SSR1: variants seen among roughly 807,000 people sequenced by gnomAD.
The protein encoded by SSR1 is signal sequence receptor subunit 1.
SSR1 carries 13 observed loss-of-function variants against 36.1 expected under a neutral mutation model. That is an observed-to-expected ratio of 0.36 (90% confidence interval 0.23 to 0.57). The LOEUF is 0.57. Among genes scored for constraint, SSR1 ranks in the 20% least tolerant of loss-of-function variants. The probability of loss-of-function intolerance (pLI) is 0.81; values close to 1 mark genes in which losing one functional copy is unlikely to be tolerated. For missense variants in SSR1, 291 were observed against 338.5 expected (o/e 0.86, Z 1.10); for synonymous variants, 113 against 118.9 (o/e 0.95, Z 0.32).
chr6:7,288,148 A>G lies in SSR1; in HGVS notation c.*1716T>C, dbSNP rs1034882324. 1.3e-5 allele frequency: 2 copies of G among 152,224 alleles called. No homozygotes were observed. The highest frequency in any genetic ancestry group is 2.9e-5 in the Non-Finnish European group (2 of 68,038). 9.4% of individuals were successfully genotyped at this position (152,224 alleles called of 1,614,324 possible). On this transcript the variant is annotated 3_prime_UTR_variant, in exon 8 of 8. Transcript: ENST00000244763. ...AAATTCTGTAATTACACCTTACTGTATCATGCCCTAGTAGTTTCACAAACT... is the reference window on the plus strand; with the variant it reads ...AAATTCTGTAATTACACCTTACTGTGTCATGCCCTAGTAGTTTCACAAACT...
At chr6:7,305,281 G>T (rs1405838805) in intron 2 of SSR1, among the ~76,000 whole-genome samples, 1 of 152,182 alleles carries the variant, frequency 6.6e-6, no homozygotes, top group Non-Finnish European at 1.5e-5. Flanking sequence ...TATAAAATGT[G>T]AAGTACTTAT....
intron 7 of SSR1, among the ~76,000 whole-genome samples, chr6:7,294,224 AAAC>A (rs1419474308): frequency 3.3e-5 from 5 of 152,024 alleles, no homozygotes; most frequent in African/African-American, 1.2e-4. Flanking sequence ...AGTTGTAAAA[AAAC>A]AGTTTAGTAA....
chr6:7,297,257 A>C, intron 6 of SSR1: 1 of 163,280 alleles, frequency 6.1e-6, no homozygotes. Flanking sequence ...GAAAATATAA[A>C]AGCTAGGTTA....
At chr6:7,308,332 A>T (rs1758115549) in intron 2 of SSR1, among the ~76,000 whole-genome samples, 1 of 152,172 alleles carries the variant, frequency 6.6e-6, no homozygotes, top group Admixed American at 6.5e-5. Context: ...GTTGGAAGAC[A>T]TATTCCATAA....
chr6:7,295,491 A>G lies in SSR1; in HGVS notation c.700-6T>C, dbSNP rs765886617. On this transcript the variant is annotated splice_region_variant and splice_polypyrimidine_tract_variant and intron_variant, in intron 6 of 7. Transcript: ENST00000244763. The stretch of plus-strand genomic sequence containing the variant: ...TTCTGTATGGGTCTCTTACGCTAAA[A>G]GAACATAAAGACATATTTTAAAGGA... 1.9e-6 allele frequency: 3 copies of G among 1,568,904 alleles called. No homozygotes were observed. In the South Asian group the frequency reaches 3.5e-5, roughly 18 times the overall value.
At chr6:7,290,943 G>A (rs1008520968) in intron 7 of SSR1, among the ~76,000 whole-genome samples, 2 of 143,188 alleles carry the variant, frequency 1.4e-5, no homozygotes, top group African/African-American at 5.1e-5. Flanking sequence ...GCCCAGGCTG[G>A]AGTGCAGTGC....
chr6:7,294,826 C>T (rs1044907738), intron 7 of SSR1, among the ~76,000 whole-genome samples: 3 of 151,964 alleles, frequency 2.0e-5, no homozygotes, highest in Non-Finnish European at 4.4e-5. Context: ...AAATGTCCTA[C>T]AATTGAAGAA....
chr6:7,294,970 T>C, intron 7 of SSR1: 4 of 892,648 alleles, frequency 4.5e-6, no homozygotes, highest in Non-Finnish European at 6.4e-6. Flanking sequence ...GTTTTTCTAA[T>C]AAAATGTAGT....
In SSR1 at chr6:7,285,900, T is replaced by C. The variant is rs1016578193; in HGVS notation, c.*3964A>G. 1 of 152,352 alleles carries C rather than the reference T, an allele frequency of 6.6e-6. No homozygotes were observed. The highest frequency in any genetic ancestry group is 1.9e-4 in the East Asian group (1 of 5,192). The allele number at this position is 152,352 out of a possible 1,614,324, so 9.4% of individuals were successfully genotyped here. Reference sequence around the variant, plus strand: ...TTCATCAAGGAGACATTTAAAGGTATGTCATTAACAGAAATTTAAAAGGGT... The same window carrying C: ...TTCATCAAGGAGACATTTAAAGGTACGTCATTAACAGAAATTTAAAAGGGT... On this transcript the variant is annotated 3_prime_UTR_variant, in exon 8 of 8. Coordinates refer to ENST00000244763, the MANE Select transcript of SSR1 (RefSeq NM_003144.5). The surrounding 1 kb of genome is among the most constrained non-coding windows in gnomAD (Gnocchi z 4.1).
At chr6:7,290,003 AT>A in intron 7 of SSR1, 72 bp from the exon 8 acceptor site, 1 of 1,311,918 alleles carries the variant, frequency 7.6e-7, no homozygotes. Flanking sequence ...GTTAAAAAGT[AT>A]TTACCTTCAA....
At chr6:7,312,651 G>A (rs890471727) in intron 1 of SSR1, among the ~76,000 whole-genome samples, 10 of 152,248 alleles carry the variant, frequency 6.6e-5, no homozygotes, top group Non-Finnish European at 1.5e-4. Context: ...CGGAGCCGGA[G>A]GTGGCCAAAA....
rs769402132 is a variant in SSR1, at chr6:7,301,481, G to A, written c.372C>T (p.Phe124=). 1 of 1,614,146 alleles carries A rather than the reference G, an allele frequency of 6.2e-7. No individual in the cohort carries two copies. Among genetic ancestry groups the A allele is most frequent in the Admixed American group, 1.7e-5 (1 of 60,026 alleles). The change falls in exon 4 of 8, where the codon TTC becomes TTT. Residue 124 remains phenylalanine, a synonymous_variant. Transcript: ENST00000244763. ...AAAACTGGTAGTCCTGAGGATAACG[G>A]AATGAGGCATCTAAGGATTCAACAA... is the stretch of plus-strand genomic sequence containing the variant. ...DFIVESLDAS[F]RYPQDYQFYI...
chr6:7,309,468 T>C (rs2113302287), intron 2 of SSR1, among the ~76,000 whole-genome samples: 1 of 151,802 alleles, frequency 6.6e-6, no homozygotes, highest in South Asian at 2.1e-4. Flanking sequence ...TCTCTAAAAA[T>C]AAATAAGTAA....
At chr6:7,295,279 G>A in intron 7 of SSR1, 113 bp downstream of exon 7, 1 of 1,099,898 alleles carries the variant, frequency 9.1e-7, no homozygotes, top group Admixed American at 2.7e-5. Context: ...ACAAGTAATG[G>A]AAAAGATGAA....
In SSR1 at chr6:7,301,506, A is replaced by G. The variant is rs1344767064; in HGVS notation, c.347T>C (p.Ile116Thr). 1 of 1,614,158 alleles carries G rather than the reference A, an allele frequency of 6.2e-7. No individual in the cohort carries two copies. Residue 116 changes from isoleucine to threonine, a missense_variant, in exon 4 of 8, where the codon ATT becomes ACT. Transcript: ENST00000244763. The part of the protein sequence containing the change: ...GFTNKGTEDF[I>T]VESLDASFRY... ...GAATGAGGCATCTAAGGATTCAACA[A>G]TAAAATCTTCTGTACCCTTGTTGGT... is the stretch of plus-strand genomic sequence containing the variant.
chr6:7,309,030 C>T (rs1428893954), intron 2 of SSR1, among the ~76,000 whole-genome samples: 2 of 152,208 alleles, frequency 1.3e-5, no homozygotes, highest in Non-Finnish European at 2.9e-5. Context: ...TTAACTATTT[C>T]ATGTCTCCTT....
intron 6 of SSR1, among the ~76,000 whole-genome samples, chr6:7,297,666 A>G (rs570780077): frequency 1.1e-4 from 17 of 152,276 alleles, no homozygotes; most frequent in African/African-American, 3.4e-4. Flanking sequence ...TTGAGGCCAC[A>G]ATGAGCTAAG....
At chr6:7,306,205 C>T (rs556702426) in intron 2 of SSR1, among the ~76,000 whole-genome samples, 5 of 152,286 alleles carry the variant, frequency 3.3e-5, no homozygotes, top group Admixed American at 6.5e-5. Flanking sequence ...TGCCCAGGCA[C>T]GATCTCAGCT....
chr6:7,303,668 C>G (rs372656873), intron 2 of SSR1, 31 bp from the exon 3 acceptor site: 220 of 1,480,812 alleles, frequency 1.5e-4, no homozygotes, highest in Non-Finnish European at 2.0e-4. Context: ...GAGGAGATTA[C>G]TATGGGAGAA....
Sources: allele counts gnomAD v4.1 joint callset (sites outside exome capture counted in the v4.1 genomes callset), GRCh38; gene constraint gnomAD v4.1.1; non-coding constraint Gnocchi (gnomAD v3.1); transcripts MANE v1.5; gene names NCBI Gene and HGNC (gene_info 2026-07-23, HGNC 2026-07-21).